MRPS27: variants seen among roughly 807,000 people sequenced by gnomAD.
The protein encoded by MRPS27 is mitochondrial ribosomal protein S27.
In MRPS27, 43 loss-of-function variants were observed where a neutral mutation model predicts 48.9. The observed-to-expected ratio is 0.88, with a 90% confidence interval of 0.69 to 1.13. The LOEUF (loss-of-function observed/expected upper bound fraction) is 1.13. MRPS27 is among the 50% of genes most tolerant of loss of function. The probability of loss-of-function intolerance (pLI) is 0.00; values close to 1 mark genes in which losing one functional copy is unlikely to be tolerated. For missense variants in MRPS27, 467 were observed against 476.3 expected, an observed-to-expected ratio of 0.98 and a Z score of 0.18; for synonymous variants, 188 against 171.9, an observed-to-expected ratio of 1.09 and a Z score of -0.73.
At chr5:72,258,377 C>T (rs1371485622) in intron 4 of MRPS27, among the ~76,000 whole-genome samples, 3 of 152,196 alleles carry the variant, frequency 2.0e-5, no homozygotes, top group South Asian at 2.1e-4. Flanking sequence ...TTCTATGATC[C>T]GGACTGAATA....
intron 4 of MRPS27, among the ~76,000 whole-genome samples, chr5:72,238,810 T>C (rs140844518): frequency 7.2e-5 from 11 of 152,274 alleles, no homozygotes; most frequent in Admixed American, 1.3e-4. Context: ...ACAGTAATAG[T>C]ATACCTACAA....
At chr5:72,304,100 T>C (rs1033584276) in intron 2 of MRPS27, among the ~76,000 whole-genome samples, 1 of 152,088 alleles carries the variant, frequency 6.6e-6, no homozygotes, top group African/African-American at 2.4e-5. Context: ...GATGTGTGTG[T>C]GTGGACCTAA....
chr5:72,279,953 A>T (rs757248536), intron 4 of MRPS27, among the ~76,000 whole-genome samples: 1 of 152,200 alleles, frequency 6.6e-6, no homozygotes, highest in East Asian at 1.9e-4. Flanking sequence ...TAATTGTTAG[A>T]TTATCGATTG....
rs754065156 is a variant in MRPS27, at chr5:72,228,219, C to T, written c.694+47G>A. ...TTTATTATGAACTGGAAGAATGCAA[C>T]AATTCTAACCATGAAGAACAGTATT... is the stretch of plus-strand genomic sequence containing the variant. On this transcript the variant is annotated intron_variant, in intron 8 of 10. Coordinates refer to ENST00000261413, the MANE Select transcript of MRPS27 (RefSeq NM_015084.3). 4.9e-6 allele frequency: 7 copies of T among 1,423,882 alleles called. No individual in the cohort carries two copies. In the South Asian group the frequency reaches 7.1e-5, roughly 14 times the overall value. 88.2% of individuals were successfully genotyped at this position (1,423,882 alleles called of 1,614,324 possible).
intron 4 of MRPS27, among the ~76,000 whole-genome samples, chr5:72,277,930 T>C (rs557047099): frequency 6.6e-6 from 1 of 152,144 alleles, no homozygotes; most frequent in East Asian, 1.9e-4. Flanking sequence ...TACTGGAGCC[T>C]GTGAGATGAG....
intron 4 of MRPS27, among the ~76,000 whole-genome samples, chr5:72,249,954 A>C (rs1204371235): frequency 6.6e-6 from 1 of 152,216 alleles, no homozygotes; most frequent in African/African-American, 2.4e-5. Context: ...ACTGCACTCC[A>C]GCCTGGGCGA....
At chr5:72,237,833 A>AT (rs557010803) in intron 5 of MRPS27, among the ~76,000 whole-genome samples, 181 bp downstream of exon 5, 344 of 148,592 alleles carry the variant, frequency 2.3e-3, no homozygotes, top group African/African-American at 6.5e-3. Context: ...CAGCTACAGG[A>AT]TTTTTTTTTT....
At chr5:72,313,009 T>C (rs1216460119) in intron 2 of MRPS27, among the ~76,000 whole-genome samples, 7 of 152,350 alleles carry the variant, frequency 4.6e-5, no homozygotes, top group African/African-American at 1.7e-4. Context: ...GATAAAGTAC[T>C]TGTTATAAGA....
At chr5:72,226,466 T>C (rs901327247) in intron 8 of MRPS27, among the ~76,000 whole-genome samples, 1 of 152,142 alleles carries the variant, frequency 6.6e-6, no homozygotes, top group African/African-American at 2.4e-5. Context: ...AGGATGTATA[T>C]ATAAACCACT....
At chr5:72,300,175 C>T (rs920170198) in intron 2 of MRPS27, among the ~76,000 whole-genome samples, 2 of 152,232 alleles carry the variant, frequency 1.3e-5, no homozygotes, top group Non-Finnish European at 2.9e-5. Flanking sequence ...ATTTTCTGTT[C>T]TCATCTTACT....
intron 4 of MRPS27, among the ~76,000 whole-genome samples, chr5:72,253,937 CCT>C (rs1248200690): frequency 6.6e-6 from 1 of 152,010 alleles, no homozygotes; most frequent in Non-Finnish European, 1.5e-5. Context: ...TTCCTTCTTC[CCT>C]CTCTCCCTCT....
At chr5:72,271,921 AAAACAGCCATCCAACG>A (rs1749251254) in intron 4 of MRPS27, among the ~76,000 whole-genome samples, 1 of 152,198 alleles carries the variant, frequency 6.6e-6, no homozygotes, top group Admixed American at 6.5e-5. Context: ...ACTGGGACAC[AAAACAGCCATCCAACG>A]AATTATTTCT....
At chr5:72,279,704 A>G (rs1437543349) in intron 4 of MRPS27, among the ~76,000 whole-genome samples, 1 of 152,184 alleles carries the variant, frequency 6.6e-6, no homozygotes, top group Non-Finnish European at 1.5e-5. Context: ...CCCCAAAAAC[A>G]ATTATCACTT....
chr5:72,306,113 T>C (rs1310061428), intron 2 of MRPS27, among the ~76,000 whole-genome samples: 2 of 152,212 alleles, frequency 1.3e-5, no homozygotes, highest in African/African-American at 4.8e-5. Flanking sequence ...TTTTAAGAAG[T>C]CCTCATTCAT....
Position 72,320,171 on chromosome 5 carries a change from A to G in MRPS27, c.51T>C (p.Val17=), listed in dbSNP as rs1580128644. ...RRGMLLARQV[V]LPQLSPAGKR... ...AACCTGCAGGAGAGAGCTGAGGAAG[A>G]ACCACTTGCCGCGCCAGGAGCATCC... Residue 17 remains valine (V), a synonymous_variant, in exon 1 of 11, where the codon GTT becomes GTC. Transcript: ENST00000261413. 1 of 1,613,988 alleles carries G rather than the reference A, an allele frequency of 6.2e-7. No individual in the cohort carries two copies. Among genetic ancestry groups the G allele is most frequent in the Non-Finnish European group, 8.5e-7 (1 of 1,179,896 alleles).
rs138419432 is a variant in MRPS27 at position 72,295,568 on chromosome 5, G to A, written c.244C>T (p.Arg82Trp). 420 of 1,610,304 alleles carry A rather than the reference G, an allele frequency of 2.6e-4. No individual in the cohort carries two copies. The highest frequency in any genetic ancestry group is 3.2e-4 in the Non-Finnish European group (379 of 1,176,768). Residue 82 changes from arginine (R) to tryptophan (W), a missense_variant, in exon 4 of 11, where the codon CGG (arginine) becomes TGG (tryptophan). By Grantham distance (101) the Arg-to-Trp change is moderately radical. Transcript: ENST00000261413. ...TACTCTGCATGATCTATCTCTTCCCGAGAGGAAATGTTGTCTATAAGCTAA... is the reference window on the plus strand; with the variant it reads ...TACTCTGCATGATCTATCTCTTCCCAAGAGGAAATGTTGTCTATAAGCTAA... Reference protein sequence around the residue: ...ISRLIDNISSREEIDHAEYYL... With the variant: ...ISRLIDNISSWEEIDHAEYYL...
chr5:72,287,844 T>C (rs1308024268), intron 4 of MRPS27, among the ~76,000 whole-genome samples: 2 of 152,318 alleles, frequency 1.3e-5, no homozygotes, highest in East Asian at 1.9e-4. Context: ...AGAAAACAAT[T>C]TGGTAGTTTC....
chr5:72,269,549 G>A (rs952055461), intron 4 of MRPS27, among the ~76,000 whole-genome samples: 82 of 152,192 alleles, frequency 5.4e-4, no homozygotes, highest in African/African-American at 2.0e-3. Flanking sequence ...TTGAATGAAA[G>A]GCAGATCAGT....
At chr5:72,319,988 T>C (rs2112102867) in intron 1 of MRPS27, 161 bp downstream of exon 1, 4 of 686,246 alleles carry the variant, frequency 5.8e-6, no homozygotes, top group Middle Eastern at 2.5e-4. Context: ...GGGAAGGAAA[T>C]GGATCAGATA....
Sources: gnomAD v4.1 joint callset for allele counts (sites outside exome capture counted in the v4.1 genomes callset) on GRCh38, gnomAD v4.1.1 for gene constraint, MANE v1.5 for transcripts, NCBI Gene and HGNC (gene_info 2026-07-23, HGNC 2026-07-21) for gene names.